The following C12orf42 variants were observed in gnomAD, a reference collection of about 807,000 sequenced individuals.
C12orf42 encodes the protein chromosome 12 open reading frame 42.
In C12orf42, 25 loss-of-function variants were observed where a neutral mutation model predicts 21.6. That is an observed-to-expected ratio of 1.16 (90% CI 0.84 to 1.62). C12orf42 has a LOEUF of 1.62. Ranked by LOEUF, C12orf42 falls within the 40% of genes most tolerant of loss-of-function variation. C12orf42 has a pLI of 0.00. For synonymous variants in C12orf42, 174 were observed against 175.0 expected (o/e 0.99, Z 0.05); for missense variants, 483 against 459.3 (o/e 1.05, Z -0.47).
chr12:103,062,971 A>G, the C12orf42 span, among the ~76,000 whole-genome samples: 6 of 152,172 alleles, frequency 3.9e-5, no homozygotes, highest in Non-Finnish European at 5.9e-5. Flanking sequence ...TAAGGAGTCT[A>G]CTTCTAAAAG....
chr12:103,369,115 GT>G, intron 3 of C12orf42, 117 bp from the exon 4 acceptor site: 1 of 536,372 alleles, frequency 1.9e-6, no homozygotes. Context: ...AAATATTTTT[GT>G]TTCTTTATTC....
intron 10 of C12orf42, among the ~76,000 whole-genome samples, chr12:103,255,352 C>A (rs988690660): frequency 2.6e-5 from 4 of 151,942 alleles, no homozygotes; most frequent in Non-Finnish European, 5.9e-5. Context: ...AGTCTGGCGA[C>A]AGAGCAACAC....
the C12orf42 span, among the ~76,000 whole-genome samples, chr12:103,107,851 A>T: frequency 2.0e-5 from 3 of 151,754 alleles, no homozygotes; most frequent in Non-Finnish European, 1.5e-5. Context: ...TTGAAAAAAA[A>T]GAGAGAAGAA....
At chr12:103,528,738 T>G in the C12orf42 span, among the ~76,000 whole-genome samples, 2 of 152,112 alleles carry the variant, frequency 1.3e-5, no homozygotes, top group East Asian at 1.9e-4. Flanking sequence ...TAAATTTGAG[T>G]TTTTTTCCTT....
At chr12:103,075,014 G>T in the C12orf42 span, among the ~76,000 whole-genome samples, 3 of 152,106 alleles carry the variant, frequency 2.0e-5, no homozygotes, top group Non-Finnish European at 2.9e-5. Context: ...CTTGAGCCTG[G>T]GAGGTTAAGG....
intron 3 of C12orf42, among the ~76,000 whole-genome samples, chr12:103,385,110 G>A (rs1000015637): frequency 3.3e-5 from 5 of 152,068 alleles, no homozygotes; most frequent in Admixed American, 2.6e-4. Flanking sequence ...ACCCAGAGAC[G>A]GTTTGAAACC....
chr12:103,326,921 T>G (rs992009016), intron 4 of C12orf42, among the ~76,000 whole-genome samples: 32 of 152,260 alleles, frequency 2.1e-4, no homozygotes, highest in Non-Finnish European at 3.7e-4. Flanking sequence ...TTTGGCATTT[T>G]TGTTTACTGC....
At chr12:103,120,744 T>TATA in the C12orf42 span, among the ~76,000 whole-genome samples, 2 of 148,980 alleles carry the variant, frequency 1.3e-5, no homozygotes, top group South Asian at 4.2e-4. Flanking sequence ...TGATTATTAC[T>TATA]ATAATTATTA....
At chr12:103,343,479 C>CA (rs1217234188) in intron 4 of C12orf42, among the ~76,000 whole-genome samples, 2 of 151,714 alleles carry the variant, frequency 1.3e-5, no homozygotes, top group South Asian at 2.1e-4. Context: ...GGAATCAGTG[C>CA]AAAAAAACAC....
intron 1 of C12orf42, among the ~76,000 whole-genome samples, chr12:103,491,622 T>A (rs1464658183): frequency 6.6e-6 from 1 of 152,248 alleles, no homozygotes; most frequent in Non-Finnish European, 1.5e-5. Context: ...TGTTTCTACA[T>A]GGCAATCACA....
At chr12:103,122,091 G>A in the C12orf42 span, among the ~76,000 whole-genome samples, 128 of 152,338 alleles carry the variant, frequency 8.4e-4, 1 homozygote, top group East Asian at 0.022. Flanking sequence ...AGACAGCAGA[G>A]TTGGGGCCAG....
the C12orf42 span, among the ~76,000 whole-genome samples, chr12:103,141,830 A>G: frequency 9.2e-5 from 14 of 152,250 alleles, no homozygotes; most frequent in African/African-American, 3.1e-4. Context: ...GCACCCAGCC[A>G]TAATAAAACA....
chr12:103,383,971 G>A (rs1475599400), intron 3 of C12orf42, among the ~76,000 whole-genome samples: 2 of 152,178 alleles, frequency 1.3e-5, no homozygotes, highest in Non-Finnish European at 2.9e-5. Context: ...GTGTGTGAGA[G>A]CCACAGGGCA....
chr12:103,104,584 G>A, the C12orf42 span, among the ~76,000 whole-genome samples: 4 of 152,202 alleles, frequency 2.6e-5, no homozygotes, highest in Admixed American at 6.5e-5. Flanking sequence ...GGGACTACAG[G>A]CATGCGCCAC....
At chr12:103,391,751 C>A (rs2047098723) in intron 3 of C12orf42, among the ~76,000 whole-genome samples, 1 of 151,514 alleles carries the variant, frequency 6.6e-6, no homozygotes, top group South Asian at 2.1e-4. Flanking sequence ...GATTGATTTA[C>A]AACTATTTTC....
At chr12:103,318,991 T>C (rs914960693) in intron 4 of C12orf42, among the ~76,000 whole-genome samples, 1 of 152,244 alleles carries the variant, frequency 6.6e-6, no homozygotes, top group African/African-American at 2.4e-5. Context: ...AGGCTTGTGC[T>C]ACCTGCCTGC....
At chr12:103,433,384 G>A (rs1292705748) in intron 2 of C12orf42, among the ~76,000 whole-genome samples, 3 of 152,170 alleles carry the variant, frequency 2.0e-5, no homozygotes, top group Admixed American at 6.5e-5. Context: ...AAGCATCATG[G>A]TGACACCATC....
intron 4 of C12orf42, among the ~76,000 whole-genome samples, chr12:103,314,038 T>C (rs2039223069): frequency 6.6e-6 from 1 of 152,154 alleles, no homozygotes; most frequent in Non-Finnish European, 1.5e-5. Context: ...AGTGGAGACC[T>C]GTGAAGATGA....
At chr12:103,259,088 T>C (rs755947112) in intron 10 of C12orf42, among the ~76,000 whole-genome samples, 1 of 152,128 alleles carries the variant, frequency 6.6e-6, no homozygotes, top group Non-Finnish European at 1.5e-5. Flanking sequence ...ACAGACCAAT[T>C]GAATAGGGCA....
Sources: gnomAD v4.1 joint callset for allele counts (sites outside exome capture counted in the v4.1 genomes callset) on GRCh38, gnomAD v4.1.1 for gene constraint, MANE v1.5 for transcripts, NCBI Gene and HGNC (gene_info 2026-07-23, HGNC 2026-07-21) for gene names.